The following SIK3 variants were observed in gnomAD, a reference collection of about 807,000 sequenced individuals.
The protein encoded by SIK3 is SIK family kinase 3.
SIK3 carries 28 observed loss-of-function variants against 144.2 expected under a neutral mutation model. The ratio of observed to expected loss-of-function variants is 0.19; its 90% CI spans 0.14 to 0.27. The LOEUF (loss-of-function observed/expected upper bound fraction) is 0.27. SIK3 is among the 10% of genes least tolerant of loss of function. The pLI is 1.00. For missense variants in SIK3, 1,319 were observed against 1,776.0 expected (o/e 0.74, Z 4.62); for synonymous variants, 686 against 676.3 (o/e 1.01, Z -0.22).
chr11:117,090,040 A>G (rs887576924), intron 1 of SIK3, among the ~76,000 whole-genome samples: 2 of 152,252 alleles, frequency 1.3e-5, no homozygotes, highest in Admixed American at 1.3e-4. Flanking sequence ...CCGCAATTCT[A>G]TTCTGAACAG....
rs1487237607 is a variant in SIK3 at position 116,859,456 on chromosome 11, T to C, written c.2574A>G (p.Gln858=). The C allele has an allele frequency of 6.2e-7, 1 of 1,614,194 alleles. No homozygotes were observed. Residue 858 remains glutamine, a synonymous_variant, in exon 20 of 25, where the codon CAA becomes CAG. Transcript: ENST00000445177. ...QPAQSQQVTI[Q]VQEPVDMLSN... is the part of the protein sequence containing the mutation. Reference sequence around the variant, plus strand: ...TGAGCATGTCAACAGGCTCTTGGACTTGGATGGTGACCTGCTGTGACTGAG... The same window carrying C: ...TGAGCATGTCAACAGGCTCTTGGACCTGGATGGTGACCTGCTGTGACTGAG...
intron 3 of SIK3, among the ~76,000 whole-genome samples, chr11:116,932,636 G>A (rs1265541541): frequency 2.0e-5 from 3 of 151,966 alleles, no homozygotes; most frequent in Non-Finnish European, 4.4e-5. Context: ...AAAGATCTCC[G>A]TTGCACTACC....
chr11:116,907,846 T>G (rs1437399174), intron 4 of SIK3, among the ~76,000 whole-genome samples: 1 of 151,992 alleles, frequency 6.6e-6, no homozygotes, highest in African/African-American at 2.4e-5. Flanking sequence ...AAGGATAAAT[T>G]TCTCAAAAAG....
chr11:116,895,440 G>A (rs1656772634), intron 6 of SIK3, among the ~76,000 whole-genome samples: 1 of 152,176 alleles, frequency 6.6e-6, no homozygotes, highest in South Asian at 2.1e-4. Context: ...GACGTTATCA[G>A]TTCAAAGGAG....
rs756150587 is a variant in SIK3, at chr11:116,875,147, C to T, written c.1427+11G>A. On this transcript the variant is annotated intron_variant, in intron 11 of 24. Coordinates refer to ENST00000445177, the MANE Select transcript of SIK3 (RefSeq NM_001366686.3). Reference sequence around the variant, plus strand: ...CCCAGTGTTAGTGAGGGCTGTTGGCCGGATACTCACCGTGGGTCAGCCACA... The same window carrying T: ...CCCAGTGTTAGTGAGGGCTGTTGGCTGGATACTCACCGTGGGTCAGCCACA... 43 of 1,609,544 alleles carry T rather than the reference C, an allele frequency of 2.7e-5. No homozygotes were observed. The highest frequency in any genetic ancestry group is 2.5e-4 in the Admixed American group (15 of 59,936).
intron 1 of SIK3, among the ~76,000 whole-genome samples, chr11:116,962,394 G>A (rs1208098204): frequency 2.0e-5 from 3 of 152,182 alleles, no homozygotes; most frequent in Non-Finnish European, 2.9e-5. Flanking sequence ...AGAATATAGT[G>A]AGCAGACTGC....
At chr11:117,015,453 C>T (rs999899953) in intron 1 of SIK3, among the ~76,000 whole-genome samples, 3 of 152,000 alleles carry the variant, frequency 2.0e-5, no homozygotes, top group African/African-American at 7.3e-5. Context: ...GCTCTGTCAC[C>T]CAGGCTGGAG....
At chr11:116,991,935 T>C (rs1239986317) in intron 1 of SIK3, among the ~76,000 whole-genome samples, 1 of 152,174 alleles carries the variant, frequency 6.6e-6, no homozygotes, top group Non-Finnish European at 1.5e-5. Flanking sequence ...TACATATCTA[T>C]ATACATATAC....
chr11:116,908,684 T>A (rs1946179890), intron 4 of SIK3, among the ~76,000 whole-genome samples: 1 of 152,122 alleles, frequency 6.6e-6, no homozygotes, highest in African/African-American at 2.4e-5. Flanking sequence ...ATCTCATTAT[T>A]AAAGAGAAAC....
chr11:116,968,796 A>G (rs1226716699), intron 1 of SIK3, among the ~76,000 whole-genome samples: 1 of 152,248 alleles, frequency 6.6e-6, no homozygotes. Context: ...AATTCATTAA[A>G]GTATTGAGTA....
chr11:116,935,019 A>G (rs1947834774), intron 3 of SIK3, among the ~76,000 whole-genome samples: 1 of 152,142 alleles, frequency 6.6e-6, no homozygotes, highest in African/African-American at 2.4e-5. Context: ...TGGAAAGCAG[A>G]GTTTGCAGTA....
chr11:116,975,882 T>C (rs1202096860), intron 1 of SIK3, among the ~76,000 whole-genome samples: 1 of 152,206 alleles, frequency 6.6e-6, no homozygotes, highest in Non-Finnish European at 1.5e-5. Context: ...CACTTGTTAT[T>C]GTCCATCTTT....
chr11:116,876,174 C>G, intron 8 of SIK3, 79 bp downstream of exon 8: 1 of 1,510,282 alleles, frequency 6.6e-7, no homozygotes, highest in Non-Finnish European at 9.1e-7. Flanking sequence ...GGCCCAAGTT[C>G]CCGAGAAGGC....
chr11:116,875,528 AT>A, intron 9 of SIK3, 77 bp from the exon 10 acceptor site: 2 of 1,465,002 alleles, frequency 1.4e-6, no homozygotes, highest in Non-Finnish European at 1.9e-6. Context: ...AGTAGTCTTG[AT>A]TGCTAAAGTC....
At chr11:116,982,486 C>T (rs1950177173) in intron 1 of SIK3, among the ~76,000 whole-genome samples, 1 of 151,986 alleles carries the variant, frequency 6.6e-6, no homozygotes, top group Non-Finnish European at 1.5e-5. Context: ...GACAGGGTTT[C>T]ACCATGTTGG....
At chr11:116,953,724 T>C (rs539374726) in intron 3 of SIK3, among the ~76,000 whole-genome samples, 1 of 152,360 alleles carries the variant, frequency 6.6e-6, no homozygotes, top group Admixed American at 6.5e-5. Flanking sequence ...TCGCACTTGG[T>C]AACCTCAATT....
intron 6 of SIK3, among the ~76,000 whole-genome samples, chr11:116,892,427 C>T (rs1945176897): frequency 6.6e-6 from 1 of 152,154 alleles, no homozygotes; most frequent in Non-Finnish European, 1.5e-5. Flanking sequence ...AGAGACACCT[C>T]AACAAAGATA....
Position 116,875,415 on chromosome 11 carries a change from G to C in SIK3, c.1276C>G (p.Pro426Ala). The change falls in exon 10 of 25, where the codon CCC (proline) becomes GCC (alanine). Residue 426 changes from proline (P) to alanine (A), a missense_variant. Physicochemically the swap from Pro to Ala is conservative, Grantham distance 27 (BLOSUM62 -1). Coordinates refer to ENST00000445177, the MANE Select transcript of SIK3 (RefSeq NM_001366686.3). Reference protein sequence around the residue: ...QAGTAMNISVPQVQLINPENQ... With the variant: ...QAGTAMNISVAQVQLINPENQ... ...TCTGGGTTGATCAGCTGCACCTGGG[G>C]AACGCTGATGTTCATAGCAGTACCT... 6.2e-7 allele frequency: 1 copy of C among 1,614,184 alleles called. No individual in the cohort carries two copies.
chr11:116,900,576 C>T (rs1292023870), intron 4 of SIK3, among the ~76,000 whole-genome samples: 1 of 152,200 alleles, frequency 6.6e-6, no homozygotes, highest in East Asian at 1.9e-4. Flanking sequence ...CCTATGTTTC[C>T]AATTTATCCC....
Sources: gnomAD v4.1 joint callset for allele counts (sites outside exome capture counted in the v4.1 genomes callset) on GRCh38, gnomAD v4.1.1 for gene constraint, MANE v1.5 for transcripts, NCBI Gene and HGNC (gene_info 2026-07-23, HGNC 2026-07-21) for gene names.